The following KCNIP3 variants were observed in gnomAD, a reference collection of about 807,000 sequenced individuals.
KCNIP3 encodes the protein calsenilin.
KCNIP3 carries 28 observed loss-of-function variants against 35.0 expected under a neutral mutation model. That is an observed-to-expected ratio of 0.80 (90% confidence interval 0.59 to 1.10). KCNIP3 has a LOEUF of 1.10. Ranked by LOEUF, KCNIP3 falls within the 50% of genes least tolerant of loss-of-function variation. The pLI, the probability that KCNIP3 is intolerant of heterozygous loss-of-function variation, is 0.00. For synonymous variants in KCNIP3, 134 were observed against 133.8 expected (o/e 1.00, Z -0.01); for missense variants, 295 against 338.4 (o/e 0.87, Z 1.01).
chr2:95,384,190 A>ACACC lies in KCNIP3; in HGVS notation c.*144_*145insCCAC. On this transcript the variant is annotated 3_prime_UTR_variant, in exon 9 of 9. Coordinates refer to ENST00000295225, the MANE Select transcript of KCNIP3 (RefSeq NM_013434.5). The stretch of plus-strand genomic sequence containing the variant: ...TTGCTACACACACACACACACACAC[A>ACACC]CACACACACACACACAGCCATTCAT... 1 of 658,908 alleles carries ACACC rather than the reference A, an allele frequency of 1.5e-6. No individual in the cohort carries two copies. The highest frequency in any genetic ancestry group is 2.7e-6 in the Non-Finnish European group (1 of 366,214). 40.8% of individuals were successfully genotyped at this position (658,908 alleles called of 1,614,324 possible). A position where few individuals can be genotyped will look rare whatever the true frequency, so the allele number is the denominator to read the frequency against.
intron 1 of KCNIP3, among the ~76,000 whole-genome samples, chr2:95,308,111 T>C (rs1189169916): frequency 1.3e-5 from 2 of 152,126 alleles, no homozygotes; most frequent in South Asian, 2.1e-4. Flanking sequence ...TGTGTGCGTG[T>C]GTGTGCATGT....
intron 2 of KCNIP3, among the ~76,000 whole-genome samples, chr2:95,329,645 G>A (rs957786418): frequency 6.6e-6 from 1 of 152,250 alleles, no homozygotes; most frequent in African/African-American, 2.4e-5. Context: ...CCGGGAGTGG[G>A]GGGACCCGGG....
chr2:95,315,576 C>G (rs1573484435), intron 2 of KCNIP3, among the ~76,000 whole-genome samples: 2 of 152,308 alleles, frequency 1.3e-5, no homozygotes, highest in East Asian at 3.9e-4. Context: ...ATCCATGAAT[C>G]AGTGTAAACC....
intron 2 of KCNIP3, among the ~76,000 whole-genome samples, chr2:95,343,178 G>A (rs1398187167): frequency 2.6e-5 from 4 of 152,108 alleles, no homozygotes; most frequent in Admixed American, 6.6e-5. Context: ...CAGGCTGGAC[G>A]GGGTGGGGAC....
At chr2:95,343,760 A>C (rs1679275522) in intron 2 of KCNIP3, among the ~76,000 whole-genome samples, 1 of 152,116 alleles carries the variant, frequency 6.6e-6, no homozygotes, top group African/African-American at 2.4e-5. Flanking sequence ...TTCATAGGCA[A>C]AGGCAGTCAA....
At chr2:95,317,955 CTGGAGGTGAGGGT>C (rs940531236) in intron 2 of KCNIP3, among the ~76,000 whole-genome samples, 4 of 150,752 alleles carry the variant, frequency 2.7e-5, no homozygotes, top group African/African-American at 9.7e-5. Flanking sequence ...GGGAACCTGG[CTGGAGGTGAGGGT>C]TGCTTTGGTG....
At position 95,378,507 on chromosome 2, in the gene KCNIP3, G is replaced by A. The variant is rs1394294248; in HGVS notation, c.448-3089G>A. 6.6e-6 allele frequency among the ~76,000 whole-genome samples: 1 copy of A among 151,616 alleles called. No homozygotes were observed. The highest frequency in any genetic ancestry group is 2.4e-5 in the African/African-American group (1 of 41,222). ...CCCAGCACTTTGAGAGGCCAAGGCGGTCAGATCACCTGAGGTCAGGAGTTT... is the reference window on the plus strand; with the variant it reads ...CCCAGCACTTTGAGAGGCCAAGGCGATCAGATCACCTGAGGTCAGGAGTTT... On this transcript the variant is annotated intron_variant, in intron 5 of 8. Coordinates refer to ENST00000295225, the MANE Select transcript of KCNIP3 (RefSeq NM_013434.5). The surrounding 1 kb of genome is among the most constrained non-coding windows in gnomAD (Gnocchi z 4.0).
At chr2:95,333,136 T>C (rs1477955673) in intron 2 of KCNIP3, among the ~76,000 whole-genome samples, 2 of 152,214 alleles carry the variant, frequency 1.3e-5, no homozygotes, top group Non-Finnish European at 2.9e-5. Flanking sequence ...GTGGTTGTTA[T>C]AGAGAAAACA....
At chr2:95,324,523 G>GATTAA (rs1553443490) in intron 2 of KCNIP3, among the ~76,000 whole-genome samples, 3 of 145,716 alleles carry the variant, frequency 2.1e-5, no homozygotes, top group African/African-American at 5.0e-5. Flanking sequence ...AAAATAAATA[G>GATTAA]ATAAATAAAT....
Position 95,377,879 on chromosome 2 carries a change from C to T in KCNIP3, c.447+2671C>T, listed in dbSNP as rs572099776. 1.1e-3 allele frequency among the ~76,000 whole-genome samples: 163 copies of T among 152,304 alleles called. No individual in the cohort carries two copies. Among genetic ancestry groups the T allele is most frequent in the Non-Finnish European group, 1.8e-3 (125 of 68,030 alleles). ...CTGTGGCTGAACATGAGGGCTTCTC[C>T]GCAGCAGACAGACAGACCACCTGAG... On this transcript the variant is annotated intron_variant, in intron 5 of 8. Coordinates refer to ENST00000295225, the MANE Select transcript of KCNIP3 (RefSeq NM_013434.5). This position sits in a 1 kb window ranked among gnomAD's most constrained non-coding sequence, Gnocchi z 4.7.
In KCNIP3 at chr2:95,384,402, G is replaced by A. The variant is rs1157983355; in HGVS notation, c.*353G>A. The A allele has an allele frequency of 1.2e-5, 4 of 337,520 alleles. No individual in the cohort carries two copies. Among genetic ancestry groups the A allele is most frequent in the Non-Finnish European group, 2.2e-5 (4 of 181,006 alleles). 20.9% of individuals were successfully genotyped at this position (337,520 alleles called of 1,614,324 possible). On this transcript the variant is annotated 3_prime_UTR_variant, in exon 9 of 9. Coordinates refer to ENST00000295225, the MANE Select transcript of KCNIP3 (RefSeq NM_013434.5). ...AAGAAGGGGCTCGAGTGCCCCTGCAGGGGAGGGTCCAATCTCCGGTGTGAG... is the reference window on the plus strand; with the variant it reads ...AAGAAGGGGCTCGAGTGCCCCTGCAAGGGAGGGTCCAATCTCCGGTGTGAG...
At chr2:95,324,500 G>T (rs890572853) in intron 2 of KCNIP3, among the ~76,000 whole-genome samples, 9 of 130,138 alleles carry the variant, frequency 6.9e-5, no homozygotes, top group Admixed American at 7.7e-5. Context: ...GCGACAGAGC[G>T]AGACTCCGTC....
chr2:95,343,624 G>A (rs1254820847), intron 2 of KCNIP3, among the ~76,000 whole-genome samples: 1 of 152,118 alleles, frequency 6.6e-6, no homozygotes, highest in South Asian at 2.1e-4. Context: ...AGGGAATGTC[G>A]GTCAAACTGA....
chr2:95,340,021 G>A (rs1293276403), intron 2 of KCNIP3, among the ~76,000 whole-genome samples: 1 of 152,100 alleles, frequency 6.6e-6, no homozygotes, highest in East Asian at 1.9e-4. Context: ...AGAACAAGTA[G>A]GAGAGTCACT....
chr2:95,297,927 G>A (rs1367632760), intron 1 of KCNIP3, among the ~76,000 whole-genome samples: 3 of 152,172 alleles, frequency 2.0e-5, no homozygotes, highest in South Asian at 2.1e-4. Flanking sequence ...GTCAATGAAC[G>A]CATCTTCTAA....
chr2:95,335,126 T>C (rs1679028605), intron 2 of KCNIP3, among the ~76,000 whole-genome samples: 1 of 152,226 alleles, frequency 6.6e-6, no homozygotes, highest in Non-Finnish European at 1.5e-5. Flanking sequence ...ATTCCTTTCC[T>C]TTCAGATCAC....
intron 2 of KCNIP3, among the ~76,000 whole-genome samples, chr2:95,345,424 C>CGAGCTGGGTGGGGT (rs1573502946): frequency 1.3e-5 from 2 of 152,268 alleles, no homozygotes; most frequent in East Asian, 3.8e-4. Flanking sequence ...CCACGCGCCG[C>CGAGCTGGGTGGGGT]GGCTCCCACC....
At chr2:95,310,690 G>A (rs533307670) in intron 2 of KCNIP3, 170 bp downstream of exon 2, 2 of 718,586 alleles carry the variant, frequency 2.8e-6, no homozygotes, top group East Asian at 2.8e-5. Context: ...CATTCATTGA[G>A]TGCCTGCTTC....
At chr2:95,310,182 C>G (rs1558758843) in intron 1 of KCNIP3, 173 bp from the exon 2 acceptor site, 1 of 764,912 alleles carries the variant, frequency 1.3e-6, no homozygotes, top group Non-Finnish European at 2.3e-6. Context: ...AGGAACCTCC[C>G]CAGGTCTGGC....
Sources: allele counts gnomAD v4.1 joint callset (sites outside exome capture counted in the v4.1 genomes callset), GRCh38; gene constraint gnomAD v4.1.1; non-coding constraint Gnocchi (gnomAD v3.1); transcripts MANE v1.5; gene names NCBI Gene and HGNC (gene_info 2026-07-23, HGNC 2026-07-21).